The following JAZF1 variants were observed in gnomAD, a reference collection of about 807,000 sequenced individuals.
The protein encoded by JAZF1 is JAZF zinc finger 1, also known as juxtaposed with another zinc finger protein 1.
A neutral mutation model predicts 26.4 loss-of-function variants in JAZF1; 8 were observed. The ratio of observed to expected loss-of-function variants is 0.30; its 90% CI spans 0.18 to 0.55. The LOEUF is 0.55. JAZF1 is among the 20% of genes least tolerant of loss of function. The probability of loss-of-function intolerance (pLI) is 0.94; values close to 1 mark genes in which losing one functional copy is unlikely to be tolerated. For missense variants in JAZF1, 199 were observed against 322.0 expected (o/e 0.62, Z 2.92); for synonymous variants, 126 against 122.3 (o/e 1.03, Z -0.20).
intron 1 of JAZF1, among the ~76,000 whole-genome samples, chr7:28,017,804 C>T (rs919808661): frequency 6.6e-6 from 1 of 152,164 alleles, no homozygotes; most frequent in Non-Finnish European, 1.5e-5. Context: ...GACAGAGTCT[C>T]GTTCTGTTGC....
At chr7:28,012,608 C>T (rs181729702) in intron 1 of JAZF1, among the ~76,000 whole-genome samples, 34 of 152,270 alleles carry the variant, frequency 2.2e-4, no homozygotes, top group Admixed American at 1.8e-3. Context: ...GAGGGAGTTT[C>T]TTGGTGTCCA....
chr7:28,114,483 G>C (rs150981915), intron 1 of JAZF1, among the ~76,000 whole-genome samples: 1 of 151,788 alleles, frequency 6.6e-6, no homozygotes, highest in African/African-American at 2.4e-5. Context: ...ATCAAGGAAG[G>C]CTGACAGGTT....
intron 4 of JAZF1, among the ~76,000 whole-genome samples, chr7:27,839,493 C>G (rs866716548): frequency 6.6e-6 from 1 of 152,318 alleles, no homozygotes; most frequent in African/African-American, 2.4e-5. Flanking sequence ...CTGAGCAGCC[C>G]TTCCCTCCTC....
intron 3 of JAZF1, among the ~76,000 whole-genome samples, chr7:27,888,228 T>A (rs1179724097): frequency 6.6e-6 from 1 of 152,204 alleles, no homozygotes; most frequent in Non-Finnish European, 1.5e-5. Flanking sequence ...AATCACAGCC[T>A]CAGGAATTCA....
At chr7:27,866,433 C>A (rs1307091972) in intron 3 of JAZF1, among the ~76,000 whole-genome samples, 1 of 152,144 alleles carries the variant, frequency 6.6e-6, no homozygotes, top group East Asian at 1.9e-4. Context: ...TCTGTTCTGA[C>A]AGTTATCTCA....
At chr7:28,026,516 G>A (rs772981813) in intron 1 of JAZF1, among the ~76,000 whole-genome samples, 9 of 152,082 alleles carry the variant, frequency 5.9e-5, no homozygotes, top group Non-Finnish European at 8.8e-5. Flanking sequence ...AGGTTCCTCC[G>A]GGTGACTGCA....
intron 3 of JAZF1, among the ~76,000 whole-genome samples, chr7:27,891,350 A>G (rs983030542): frequency 6.6e-6 from 1 of 152,250 alleles, no homozygotes; most frequent in Non-Finnish European, 1.5e-5. Flanking sequence ...TAGCTGAAAC[A>G]GAGACCCTGT....
chr7:27,838,792 T>C (rs1782867652), intron 4 of JAZF1, among the ~76,000 whole-genome samples: 1 of 152,210 alleles, frequency 6.6e-6, no homozygotes. Flanking sequence ...AAGCCTGCTA[T>C]GGCCCTGTGT....
intron 1 of JAZF1, among the ~76,000 whole-genome samples, chr7:28,082,762 A>G (rs1784156642): frequency 6.6e-6 from 1 of 151,914 alleles, no homozygotes; most frequent in Admixed American, 6.5e-5. Context: ...GCTGAACATC[A>G]CCAAAGTCCA....
At chr7:28,171,298 T>C (rs1193933142) in intron 1 of JAZF1, among the ~76,000 whole-genome samples, 2 of 152,262 alleles carry the variant, frequency 1.3e-5, no homozygotes, top group Non-Finnish European at 2.9e-5. Flanking sequence ...TTTGTGTGAA[T>C]GCCATAAACA....
chr7:28,000,538 GACA>G (rs1182000820), intron 1 of JAZF1, among the ~76,000 whole-genome samples: 2 of 151,970 alleles, frequency 1.3e-5, no homozygotes, highest in Non-Finnish European at 2.9e-5. Context: ...CTGGTGAGGA[GACA>G]ACAAGAGAAG....
intron 1 of JAZF1, among the ~76,000 whole-genome samples, chr7:28,055,849 T>C (rs999097805): frequency 7.2e-5 from 11 of 152,204 alleles, no homozygotes; most frequent in Admixed American, 7.2e-4. Flanking sequence ...ACGTATAATA[T>C]AAGCCCCACA....
chr7:27,949,162 A>C (rs771321178), intron 2 of JAZF1, among the ~76,000 whole-genome samples: 4 of 152,178 alleles, frequency 2.6e-5, no homozygotes, highest in Non-Finnish European at 5.9e-5. Context: ...GAACAATAAT[A>C]CTGACATCTG....
chr7:27,834,356 A>T (rs1190985566), intron 4 of JAZF1, among the ~76,000 whole-genome samples: 1 of 152,166 alleles, frequency 6.6e-6, no homozygotes, highest in Non-Finnish European at 1.5e-5. Flanking sequence ...ATGCTTTTTT[A>T]AAAGTCCTTG....
chr7:28,146,075 G>A (rs1467775729), intron 1 of JAZF1, among the ~76,000 whole-genome samples: 6 of 152,122 alleles, frequency 3.9e-5, no homozygotes, highest in Non-Finnish European at 7.4e-5. Context: ...GACTTTCCTT[G>A]ATTTTGTCTT....
At chr7:28,158,897 A>C (rs1220224549) in intron 1 of JAZF1, among the ~76,000 whole-genome samples, 1 of 152,116 alleles carries the variant, frequency 6.6e-6, no homozygotes, top group African/African-American at 2.4e-5. Flanking sequence ...CTCTCCACTC[A>C]TGGCTTTAGG....
rs1042909882 is a variant in JAZF1, at chr7:27,883,444, T to G, written c.385+11776A>C. Reference sequence around the variant, plus strand: ...GATGAAATTCAGGTTTTTAACTAAATGTAAATGGTCAAGTGTGGTATAGGA... The same window carrying G: ...GATGAAATTCAGGTTTTTAACTAAAGGTAAATGGTCAAGTGTGGTATAGGA... On this transcript the variant is annotated intron_variant, in intron 3 of 4. Transcript: ENST00000283928. Among the ~76,000 whole-genome samples, 6 of 152,202 alleles carry G rather than the reference T, an allele frequency of 3.9e-5. No individual in the cohort carries two copies. The South Asian group carries it at 1.2e-3, about 31-fold the overall frequency.
At chr7:28,040,609 CAT>C (rs1013307650) in intron 1 of JAZF1, among the ~76,000 whole-genome samples, 2 of 152,050 alleles carry the variant, frequency 1.3e-5, no homozygotes, top group Non-Finnish European at 2.9e-5. Context: ...GGAAGGCAGC[CAT>C]AGAGTCTAGG....
At chr7:28,041,400 AT>A (rs553008963) in intron 1 of JAZF1, among the ~76,000 whole-genome samples, 149 of 151,348 alleles carry the variant, frequency 9.8e-4, no homozygotes, top group African/African-American at 3.5e-3. Flanking sequence ...GGTATAAGCT[AT>A]TTTTTAAAAG....
Sources: allele counts gnomAD v4.1 joint callset (sites outside exome capture counted in the v4.1 genomes callset), GRCh38; gene constraint gnomAD v4.1.1; transcripts MANE v1.5; gene names NCBI Gene and HGNC (gene_info 2026-07-23, HGNC 2026-07-21).